Variants in VTI1A observed in about 807,000 individuals in gnomAD.
VTI1A encodes vesicle transport through interaction with t-SNAREs homolog 1A.
VTI1A carries 22 observed loss-of-function variants against 34.9 expected under a neutral mutation model. That is an observed-to-expected ratio of 0.63 (90% CI 0.45 to 0.90). The LOEUF (loss-of-function observed/expected upper bound fraction) is 0.90. Ranked by LOEUF, VTI1A falls within the 40% of genes least tolerant of loss-of-function variation. The probability of loss-of-function intolerance (pLI) is 0.00; values close to 1 mark genes in which losing one functional copy is unlikely to be tolerated. For missense variants in VTI1A, 268 were observed against 275.6 expected (o/e 0.97, Z 0.20); for synonymous variants, 87 against 97.3 (o/e 0.89, Z 0.62).
At chr10:112,577,452 C>T (rs1843754004) in intron 5 of VTI1A, among the ~76,000 whole-genome samples, 1 of 152,116 alleles carries the variant, frequency 6.6e-6, no homozygotes, top group South Asian at 2.1e-4. Flanking sequence ...AGACCAGGCA[C>T]TCTTTGGTAA....
At chr10:112,549,913 T>A (rs988870941) in intron 5 of VTI1A, among the ~76,000 whole-genome samples, 1 of 152,196 alleles carries the variant, frequency 6.6e-6, no homozygotes, top group African/African-American at 2.4e-5. Context: ...GCAAAGCTCT[T>A]AAAGAGTATT....
chr10:112,620,714 C>A (rs948748123), intron 5 of VTI1A, among the ~76,000 whole-genome samples: 5 of 151,358 alleles, frequency 3.3e-5, no homozygotes, highest in Non-Finnish European at 7.4e-5. Flanking sequence ...CGCTTGAACC[C>A]AGGAGGCAGA....
At chr10:112,625,103 A>G (rs954010013) in intron 5 of VTI1A, among the ~76,000 whole-genome samples, 1 of 152,186 alleles carries the variant, frequency 6.6e-6, no homozygotes, top group Non-Finnish European at 1.5e-5. Flanking sequence ...GTCTCAAAAA[A>G]ATAAAAAAAG....
intron 7 of VTI1A, among the ~76,000 whole-genome samples, chr10:112,738,617 T>C (rs1386164981): frequency 6.6e-6 from 1 of 152,216 alleles, no homozygotes; most frequent in African/African-American, 2.4e-5. Flanking sequence ...AAATTAATCT[T>C]TTCTCCCCAA....
At chr10:112,631,530 G>A (rs1169805794) in intron 5 of VTI1A, among the ~76,000 whole-genome samples, 1 of 152,132 alleles carries the variant, frequency 6.6e-6, no homozygotes, top group Admixed American at 6.5e-5. Flanking sequence ...GACCTTTTGT[G>A]TCTGGTTTTG....
chr10:112,456,421 CAAA>C (rs71035387), intron 1 of VTI1A, among the ~76,000 whole-genome samples: 17 of 84,160 alleles, frequency 2.0e-4, no homozygotes, highest in African/African-American at 2.7e-4. Context: ...GAGTCCATCT[CAAA>C]AAAAAAAAAA....
intron 4 of VTI1A, among the ~76,000 whole-genome samples, chr10:112,528,494 T>C (rs1046147698): frequency 1.4e-5 from 2 of 147,884 alleles, no homozygotes; most frequent in African/African-American, 2.5e-5. Context: ...AATGTGAGAA[T>C]AGCTAAAGGA....
intron 7 of VTI1A, among the ~76,000 whole-genome samples, chr10:112,747,507 G>A (rs1440319600): frequency 6.6e-6 from 1 of 152,158 alleles, no homozygotes; most frequent in East Asian, 1.9e-4. Context: ...ACATAGAAAA[G>A]TTACAGTAAA....
chr10:112,612,446 G>A (rs1212127974), intron 5 of VTI1A, among the ~76,000 whole-genome samples: 2 of 152,106 alleles, frequency 1.3e-5, no homozygotes, highest in African/African-American at 4.8e-5. Context: ...ACAGGGTCTT[G>A]CTCACTCTGT....
chr10:112,678,877 A>G lies in VTI1A; in HGVS notation c.560+9879A>G, dbSNP rs1330291089. 2.0e-5 allele frequency among the ~76,000 whole-genome samples: 3 copies of G among 152,260 alleles called. No individual in the cohort carries two copies. In the East Asian group the frequency reaches 5.8e-4, roughly 29 times the overall value. On this transcript the variant is annotated intron_variant, in intron 7 of 7. Transcript: ENST00000393077. ...AGTTATAGATATACATCACAAACGC[A>G]GGAGGACAAAAGGGGATTTCATCAT...
intron 7 of VTI1A, among the ~76,000 whole-genome samples, chr10:112,800,270 G>C (rs981461804): frequency 3.3e-5 from 5 of 152,234 alleles, no homozygotes; most frequent in African/African-American, 1.2e-4. Context: ...TGAAGGCAGG[G>C]ATTCCAGGCG....
intron 7 of VTI1A, among the ~76,000 whole-genome samples, chr10:112,760,160 ATCCAAGGGGGATACGT>A (rs1851412852): frequency 6.6e-6 from 1 of 152,218 alleles, no homozygotes; most frequent in Non-Finnish European, 1.5e-5. Flanking sequence ...GTTCTCCCTT[ATCCAAGGGGGATACGT>A]TCCAAGACCG....
intron 5 of VTI1A, among the ~76,000 whole-genome samples, chr10:112,578,008 A>C (rs1046029918): frequency 6.6e-6 from 1 of 152,240 alleles, no homozygotes; most frequent in East Asian, 1.9e-4. Context: ...AAATGAAAAA[A>C]GTCCGGAAAT....
intron 5 of VTI1A, among the ~76,000 whole-genome samples, chr10:112,610,530 A>G (rs1246412749): frequency 6.6e-6 from 1 of 152,224 alleles, no homozygotes; most frequent in East Asian, 1.9e-4. Flanking sequence ...TGAATAAAAT[A>G]ATTTTGCCAA....
At chr10:112,641,652 C>T (rs1846579260) in intron 5 of VTI1A, among the ~76,000 whole-genome samples, 1 of 152,198 alleles carries the variant, frequency 6.6e-6, no homozygotes, top group Non-Finnish European at 1.5e-5. Context: ...ATCTTCTTCT[C>T]TATTACCTTT....
intron 2 of VTI1A, 58 bp downstream of exon 2, chr10:112,460,640 T>G: frequency 2.9e-6 from 4 of 1,387,672 alleles, no homozygotes; most frequent in Non-Finnish European, 3.9e-6. Context: ...AGCTAATGTC[T>G]TCCTCTAGCC....
At chr10:112,756,333 C>T (rs1013669180) in intron 7 of VTI1A, among the ~76,000 whole-genome samples, 17 of 152,128 alleles carry the variant, frequency 1.1e-4, no homozygotes, top group African/African-American at 3.6e-4. Context: ...ATAAAGATCC[C>T]GGGCTACCTA....
intron 7 of VTI1A, among the ~76,000 whole-genome samples, chr10:112,710,614 T>A (rs552712446): frequency 2.6e-5 from 4 of 152,236 alleles, no homozygotes; most frequent in Non-Finnish European, 4.4e-5. Context: ...CTAACTTGTT[T>A]ATATTTTTTA....
At chr10:112,473,420 TTTA>T (rs1331298995) in intron 3 of VTI1A, among the ~76,000 whole-genome samples, 1 of 152,184 alleles carries the variant, frequency 6.6e-6, no homozygotes, top group Non-Finnish European at 1.5e-5. Flanking sequence ...CACATTTTTT[TTTA>T]AATAAAAGAT....
Sources: gnomAD v4.1 joint callset for allele counts (sites outside exome capture counted in the v4.1 genomes callset) on GRCh38, gnomAD v4.1.1 for gene constraint, MANE v1.5 for transcripts, NCBI Gene and HGNC (gene_info 2026-07-23, HGNC 2026-07-21) for gene names.